COLEC11: variants seen among roughly 807,000 people sequenced by gnomAD.
The protein encoded by COLEC11 is collectin subfamily member 11, also known as collectin-11.
In COLEC11, 20 loss-of-function variants were observed where a neutral mutation model predicts 27.3. That is an observed-to-expected ratio of 0.73 (90% CI 0.51 to 1.06). The LOEUF (loss-of-function observed/expected upper bound fraction) is 1.06. Ranked by LOEUF, COLEC11 falls within the 50% of genes least tolerant of loss-of-function variation. The pLI is 0.00. For missense variants in COLEC11, 310 were observed against 383.0 expected, an observed-to-expected ratio of 0.81 and a Z score of 1.59; for synonymous variants, 163 against 154.7, an observed-to-expected ratio of 1.05 and a Z score of -0.40.
chr2:3,622,955 T>C (rs935785408), intron 3 of COLEC11, among the ~76,000 whole-genome samples: 6 of 152,228 alleles, frequency 3.9e-5, no homozygotes, highest in Admixed American at 3.9e-4. Flanking sequence ...TGAAGAACTT[T>C]CCTTTACATT....
chr2:3,617,783 C>G, intron 3 of COLEC11: 1 of 893,336 alleles, frequency 1.1e-6, no homozygotes, highest in Non-Finnish European at 1.8e-6. Context: ...TTCAAGGAGC[C>G]TCTGTACTGT....
At chr2:3,629,022 G>A (rs910978375) in intron 3 of COLEC11, among the ~76,000 whole-genome samples, 1 of 152,216 alleles carries the variant, frequency 6.6e-6, no homozygotes, top group Non-Finnish European at 1.5e-5. Flanking sequence ...GGGAGGGGGC[G>A]TTGCTTGCCT....
intron 1 of COLEC11, among the ~76,000 whole-genome samples, chr2:3,595,706 G>T (rs577767576): frequency 1.2e-3 from 181 of 152,290 alleles, no homozygotes; most frequent in Non-Finnish European, 2.2e-3. Flanking sequence ...TTCAGATGGG[G>T]TCATCTAAAA....
chr2:3,624,598 T>C (rs985938259), intron 3 of COLEC11, among the ~76,000 whole-genome samples: 9 of 152,218 alleles, frequency 5.9e-5, no homozygotes, highest in Non-Finnish European at 1.3e-4. Flanking sequence ...CCCTGGGCAC[T>C]GAGCTGTGTT....
intron 3 of COLEC11, among the ~76,000 whole-genome samples, chr2:3,635,672 G>C (rs538987718): frequency 6.6e-6 from 1 of 152,218 alleles, no homozygotes; most frequent in Non-Finnish European, 1.5e-5. Context: ...AACACACAGC[G>C]CCTGGTGTGC....
chr2:3,604,477 G>A lies in COLEC11; in HGVS notation c.130+7G>A, dbSNP rs781243934. ...CTCGTCCCTGGCCTCAAAGGTAACCGCTCCCTGGACTCTGGGCTGCTGGGC... is the reference window on the plus strand; with the variant it reads ...CTCGTCCCTGGCCTCAAAGGTAACCACTCCCTGGACTCTGGGCTGCTGGGC... On this transcript the variant is annotated splice_region_variant and intron_variant, in intron 2 of 6. Coordinates refer to ENST00000349077, the MANE Select transcript of COLEC11 (RefSeq NM_024027.5). The A allele has an allele frequency of 1.4e-5, 23 of 1,613,758 alleles. No homozygotes were observed. The highest frequency in any genetic ancestry group is 8.9e-5 in the East Asian group (4 of 44,886).
intron 5 of COLEC11, among the ~76,000 whole-genome samples, chr2:3,642,580 C>A (rs555483261): frequency 6.6e-6 from 1 of 152,200 alleles, no homozygotes; most frequent in East Asian, 1.9e-4. Context: ...TAAAGCAAAA[C>A]GACTGCAAAG....
At chr2:3,604,058 T>C (rs1012884124) in intron 1 of COLEC11, 1 of 585,908 alleles carries the variant, frequency 1.7e-6, no homozygotes. Flanking sequence ...GGGCGAGCCG[T>C]AGGCCTTCAA....
intron 3 of COLEC11, among the ~76,000 whole-genome samples, chr2:3,636,805 G>A (rs957960315): frequency 2.6e-5 from 4 of 152,140 alleles, no homozygotes; most frequent in Non-Finnish European, 4.4e-5. Flanking sequence ...GGGTGACAGC[G>A]GCATTCTTCA....
rs765601330 is a variant in COLEC11, at chr2:3,643,437, C to T, written c.329-7C>T. On this transcript the variant is annotated splice_polypyrimidine_tract_variant and splice_region_variant and intron_variant, in intron 5 of 6. Transcript: ENST00000349077. ...GCGTTTGTAACGCGTGGGCCTGGCC[C>T]CCGCAGGCCTCCCATGTGAGTGCAG... 2 of 1,612,384 alleles carry T rather than the reference C, an allele frequency of 1.2e-6. No homozygotes were observed. Among genetic ancestry groups the T allele is most frequent in the South Asian group, 2.2e-5 (2 of 91,068 alleles).
chr2:3,600,736 C>T (rs1015807520), intron 1 of COLEC11, among the ~76,000 whole-genome samples: 3 of 152,120 alleles, frequency 2.0e-5, no homozygotes. Context: ...GGTTAGACCT[C>T]GTCATTGTGT....
At chr2:3,632,140 A>G (rs1418213268) in intron 3 of COLEC11, among the ~76,000 whole-genome samples, 2 of 152,180 alleles carry the variant, frequency 1.3e-5, no homozygotes, top group Admixed American at 6.5e-5. Flanking sequence ...AGACAGGGAA[A>G]CTGAGGCTTA....
At position 3,643,472 on chromosome 2, in the gene COLEC11, C is replaced by T; in HGVS notation, c.357C>T (p.Arg119=). 6.2e-7 allele frequency: 1 copy of T among 1,613,848 alleles called. No homozygotes were observed. Among genetic ancestry groups the T allele is most frequent in the African/African-American group, 1.3e-5 (1 of 75,074 alleles). The change falls in exon 6 of 7, where the codon CGC becomes CGT. Residue 119 remains arginine (R), a synonymous_variant. Transcript: ENST00000349077. ...TCCCATGTGAGTGCAGCCAGCTGCG[C>T]AAGGCCATCGGGGAGATGGACAACC... ...PGLPCECSQL[R]KAIGEMDNQV...
chr2:3,598,745 C>T (rs569524799), intron 1 of COLEC11, among the ~76,000 whole-genome samples: 121 of 151,952 alleles, frequency 8.0e-4, no homozygotes, highest in African/African-American at 2.6e-3. Context: ...AGGCTGGAGG[C>T]GGGCCGTGGG....
At chr2:3,643,631 C>T (rs1666045169) in intron 6 of COLEC11, 92 bp downstream of exon 6, 1 of 1,600,566 alleles carries the variant, frequency 6.2e-7, no homozygotes, top group Admixed American at 1.7e-5. Flanking sequence ...CCACGCCTGC[C>T]CTGCCTGCCC....
In COLEC11 at chr2:3,619,772, C is replaced by T. The variant is rs192182643; in HGVS notation, c.202+6390C>T. Among the ~76,000 whole-genome samples, 12 of 152,234 alleles carry T rather than the reference C, an allele frequency of 7.9e-5. No individual in the cohort carries two copies. The East Asian group carries it at 1.5e-3, about 20-fold the overall frequency. On this transcript the variant is annotated intron_variant, in intron 3 of 6. Coordinates refer to ENST00000349077, the MANE Select transcript of COLEC11 (RefSeq NM_024027.5). ...GCCCAAGTAGCTGGGATTACAGGCACGCACCACCACGCTCAGCAAATTTTT... is the reference window on the plus strand; with the variant it reads ...GCCCAAGTAGCTGGGATTACAGGCATGCACCACCACGCTCAGCAAATTTTT...
rs553236154 is a variant in COLEC11 at position 3,632,768 on chromosome 2, G to A, written c.203-4765G>A. Among the ~76,000 whole-genome samples, 6 of 152,262 alleles carry A rather than the reference G, an allele frequency of 3.9e-5. No individual in the cohort carries two copies. In the South Asian group the frequency reaches 1.2e-3, roughly 32 times the overall value. On this transcript the variant is annotated intron_variant, in intron 3 of 6. Transcript: ENST00000349077. ...CCTGGGAGTATTCTAATTTATTTCTGAAAGATGGAAAAATGAGCAGAATCC... is the reference window on the plus strand; with the variant it reads ...CCTGGGAGTATTCTAATTTATTTCTAAAAGATGGAAAAATGAGCAGAATCC...
At chr2:3,596,830 A>G (rs1294273895) in intron 1 of COLEC11, among the ~76,000 whole-genome samples, 1 of 152,170 alleles carries the variant, frequency 6.6e-6, no homozygotes, top group Non-Finnish European at 1.5e-5. Flanking sequence ...ACAAAATGGA[A>G]TTCCTCTTCT....
At chr2:3,603,814 T>TC in intron 1 of COLEC11, 1 of 709,104 alleles carries the variant, frequency 1.4e-6, no homozygotes. Context: ...GGTGCCTGTC[T>TC]CCTGCCACCT....
Sources: allele counts gnomAD v4.1 joint callset (sites outside exome capture counted in the v4.1 genomes callset), GRCh38; gene constraint gnomAD v4.1.1; transcripts MANE v1.5; gene names NCBI Gene and HGNC (gene_info 2026-07-23, HGNC 2026-07-21).